Variants in TMA16 observed in about 807,000 individuals in gnomAD.
The protein encoded by TMA16 is translation machinery-associated protein 16.
A neutral mutation model predicts 27.1 loss-of-function variants in TMA16; 26 were observed. The observed-to-expected ratio is 0.96, with a 90% CI of 0.70 to 1.33. The LOEUF (loss-of-function observed/expected upper bound fraction) is 1.33. Ranked by LOEUF, TMA16 falls within the 40% of genes most tolerant of loss-of-function variation. The probability of loss-of-function intolerance (pLI) is 0.00; values close to 1 mark genes in which losing one functional copy is unlikely to be tolerated. For synonymous variants in TMA16, 71 were observed against 81.9 expected (o/e 0.87, Z 0.72); for missense variants, 233 against 241.4 (o/e 0.97, Z 0.23).
intron 5 of TMA16, 151 bp from the exon 6 acceptor site, chr4:163,517,283 C>T: frequency 9.0e-6 from 6 of 664,338 alleles, no homozygotes; most frequent in Admixed American, 2.9e-5. Context: ...TTAAACTAAC[C>T]CCTTTTGCAA....
rs983519750 is a variant in TMA16, at chr4:163,518,560, A to C, written c.432-774A>C. Among the ~76,000 whole-genome samples the C allele has an allele frequency of 2.6e-5, 4 of 152,168 alleles. No homozygotes were observed. The East Asian group carries it at 7.7e-4, about 29-fold the overall frequency. Reference sequence around the variant, plus strand: ...TAGTTTTTAAACATAGATTTTTATTAATCATTTTGGTCTTAACTAGACCAT... The same window carrying C: ...TAGTTTTTAAACATAGATTTTTATTCATCATTTTGGTCTTAACTAGACCAT... On this transcript the variant is annotated intron_variant, in intron 6 of 6. Coordinates refer to ENST00000358572, the MANE Select transcript of TMA16 (RefSeq NM_018352.3).
chr4:163,513,656 G>A (rs1331280298), intron 3 of TMA16, among the ~76,000 whole-genome samples: 1 of 152,122 alleles, frequency 6.6e-6, no homozygotes, highest in Non-Finnish European at 1.5e-5. Context: ...TAATTCTCAT[G>A]GGATTATAAA....
In TMA16 at chr4:163,515,469, C is replaced by G. The variant is rs145590147; in HGVS notation, c.388+8C>G. 3.7e-6 allele frequency: 6 copies of G among 1,602,572 alleles called. No individual in the cohort carries two copies. The highest frequency in any genetic ancestry group is 5.1e-6 in the Non-Finnish European group (6 of 1,176,420). ...TTGAGGGATATGGCCTTGGTGTGCT[C>G]ACTGATTTTTTATTTTCCTTTTATA... On this transcript the variant is annotated splice_region_variant and intron_variant, in intron 5 of 6. Coordinates refer to ENST00000358572, the MANE Select transcript of TMA16 (RefSeq NM_018352.3).
intron 2 of TMA16, among the ~76,000 whole-genome samples, chr4:163,508,079 GTGA>G (rs1737742773): frequency 6.6e-6 from 1 of 151,932 alleles, no homozygotes; most frequent in African/African-American, 2.4e-5. Flanking sequence ...AAGATTTACT[GTGA>G]TGATAGCAGT....
chr4:163,497,595 C>G (rs558810138), intron 1 of TMA16, among the ~76,000 whole-genome samples: 3 of 152,266 alleles, frequency 2.0e-5, no homozygotes, highest in South Asian at 4.1e-4. Flanking sequence ...TTGGCTCCTT[C>G]CCTCTTCAAA....
intron 2 of TMA16, among the ~76,000 whole-genome samples, chr4:163,507,668 G>T (rs1737737092): frequency 6.6e-6 from 1 of 152,060 alleles, no homozygotes; most frequent in East Asian, 1.9e-4. Flanking sequence ...CACCTAAGGA[G>T]TAACTGTTGA....
chr4:163,515,659 G>T, intron 5 of TMA16, 198 bp downstream of exon 5: 1 of 549,388 alleles, frequency 1.8e-6, no homozygotes, highest in South Asian at 2.4e-5. Context: ...TCAAGTTTGT[G>T]ACAGTGATGT....
chr4:163,515,595 G>A, intron 5 of TMA16, 134 bp downstream of exon 5: 1 of 1,195,982 alleles, frequency 8.4e-7, no homozygotes. Flanking sequence ...TCTTTGTGAG[G>A]GTTTAGAAAA....
intron 2 of TMA16, among the ~76,000 whole-genome samples, chr4:163,511,192 A>T (rs564799619): frequency 4.4e-4 from 67 of 151,434 alleles, no homozygotes; most frequent in African/African-American, 1.6e-3. Flanking sequence ...TGAGAGTTCT[A>T]TTTGCTGTAT....
chr4:163,509,775 A>C (rs1737766896), intron 2 of TMA16, among the ~76,000 whole-genome samples: 1 of 152,212 alleles, frequency 6.6e-6, no homozygotes, highest in Non-Finnish European at 1.5e-5. Context: ...TGAACAATTT[A>C]CAAGCAGCAA....
intron 6 of TMA16, among the ~76,000 whole-genome samples, chr4:163,518,712 A>C (rs1165533392): frequency 6.6e-6 from 1 of 152,176 alleles, no homozygotes; most frequent in Non-Finnish European, 1.5e-5. Flanking sequence ...TTTAAGGTGC[A>C]GTTCACTTTT....
chr4:163,502,323 C>G (rs180942898), intron 1 of TMA16, among the ~76,000 whole-genome samples: 1 of 152,214 alleles, frequency 6.6e-6, no homozygotes, highest in African/African-American at 2.4e-5. Context: ...AAAGAACATA[C>G]TTAATATTTT....
chr4:163,497,214 A>G (rs1737566487), intron 1 of TMA16, among the ~76,000 whole-genome samples: 1 of 152,256 alleles, frequency 6.6e-6, no homozygotes, highest in Non-Finnish European at 1.5e-5. Context: ...CACAACAACA[A>G]ATCAGCTTAA....
intron 4 of TMA16, among the ~76,000 whole-genome samples, chr4:163,514,966 G>A (rs770257332): frequency 6.6e-5 from 10 of 151,820 alleles, no homozygotes; most frequent in Non-Finnish European, 1.2e-4. Context: ...CTGAGATAGG[G>A]AACCCAGGAG....
Position 163,494,750 on chromosome 4 carries a change from G to A in TMA16, c.-52G>A, listed in dbSNP as rs549601851. The A allele has an allele frequency of 6.2e-7, 1 of 1,613,044 alleles. No individual in the cohort carries two copies. Among genetic ancestry groups the A allele is most frequent in the African/African-American group, 1.3e-5 (1 of 75,056 alleles). ...GAGCTGCTGCTCCTGCGGTTGGTGA[G>A]ATTACCTGGGTCTAGAGTGCGGAGC... is the stretch of plus-strand genomic sequence containing the variant. On this transcript the variant is annotated 5_prime_UTR_variant, in exon 1 of 7. Coordinates refer to ENST00000358572, the MANE Select transcript of TMA16 (RefSeq NM_018352.3).
At chr4:163,516,053 C>G (rs1737871485) in intron 5 of TMA16, 1 of 152,726 alleles carries the variant, frequency 6.5e-6, no homozygotes, top group African/African-American at 2.4e-5. Flanking sequence ...CTCACCTGTA[C>G]TATGGTAATA....
chr4:163,502,140 G>A (rs867368464), intron 1 of TMA16, among the ~76,000 whole-genome samples: 1 of 152,098 alleles, frequency 6.6e-6, no homozygotes, highest in Non-Finnish European at 1.5e-5. Context: ...CTGACTAGAC[G>A]TTAGTAGGTA....
In TMA16 at chr4:163,519,751, A is replaced by G. The variant is rs1453778676; in HGVS notation, c.*237A>G. ...GATCTGCAGAAGTTGTTTAGTCTTC[A>G]TCTGAATTTCAGGCTGGGAGGGAGC... On this transcript the variant is annotated 3_prime_UTR_variant, in exon 7 of 7. Transcript: ENST00000358572. The G allele has an allele frequency of 1.3e-5, 7 of 520,410 alleles. No homozygotes were observed. The highest frequency in any genetic ancestry group is 2.0e-5 in the African/African-American group (1 of 49,796). 32.2% of individuals were successfully genotyped at this position (520,410 alleles called of 1,614,324 possible). A position where few individuals can be genotyped will look rare whatever the true frequency, so the allele number is the denominator to read the frequency against.
At chr4:163,500,210 CTTTT>C (rs34832261) in intron 1 of TMA16, among the ~76,000 whole-genome samples, 6 of 132,256 alleles carry the variant, frequency 4.5e-5, no homozygotes, top group African/African-American at 1.4e-4. Context: ...TTCTTTCTTT[CTTTT>C]TTTTTTTTTT....
Sources: gnomAD v4.1 joint callset for allele counts (sites outside exome capture counted in the v4.1 genomes callset) on GRCh38, gnomAD v4.1.1 for gene constraint, MANE v1.5 for transcripts, NCBI Gene and HGNC (gene_info 2026-07-23, HGNC 2026-07-21) for gene names.